The following SMARCA4 variants were observed in gnomAD, a reference collection of about 807,000 sequenced individuals.
SMARCA4 encodes the protein SWI/SNF related BAF chromatin remodeling complex subunit ATPase 4.
In SMARCA4, 31 loss-of-function variants were observed where a neutral mutation model predicts 193.9. The observed-to-expected ratio is 0.16, with a 90% CI of 0.12 to 0.22. SMARCA4 has a LOEUF of 0.22. Ranked by LOEUF, SMARCA4 falls within the 10% of genes least tolerant of loss-of-function variation. The probability of loss-of-function intolerance (pLI) is 1.00; values close to 1 mark genes in which losing one functional copy is unlikely to be tolerated. For missense variants in SMARCA4, 1,148 were observed against 2,296.0 expected (o/e 0.50, Z 10.22); for synonymous variants, 942 against 933.1 (o/e 1.01, Z -0.17).
chr19:11,024,872 C>T (rs1223388201), intron 21 of SMARCA4, among the ~76,000 whole-genome samples: 2 of 152,136 alleles, frequency 1.3e-5, no homozygotes, highest in Admixed American at 6.5e-5. Context: ...GATTCTGCCC[C>T]CAAGGCCTTG....
At chr19:11,020,244 G>C (rs1259477991) in intron 18 of SMARCA4, among the ~76,000 whole-genome samples, 2 of 152,160 alleles carry the variant, frequency 1.3e-5, no homozygotes, top group Non-Finnish European at 2.9e-5. Context: ...ACTGTGAAGG[G>C]AGTCCCAGCG....
intron 7 of SMARCA4, among the ~76,000 whole-genome samples, chr19:10,990,444 A>G (rs1297703586): frequency 1.3e-5 from 2 of 151,658 alleles, no homozygotes; most frequent in African/African-American, 4.9e-5. Context: ...CGCCTGGCTA[A>G]TTTTTGTATT....
chr19:10,983,843 T>A, intron 1 of SMARCA4: 1 of 523,388 alleles, frequency 1.9e-6, no homozygotes, highest in South Asian at 2.1e-5. Context: ...TCTGCCGTGA[T>A]CAGGAATATG....
intron 30 of SMARCA4, among the ~76,000 whole-genome samples, chr19:11,055,987 C>T (rs766130330): frequency 2.0e-5 from 3 of 152,216 alleles, no homozygotes; most frequent in Admixed American, 6.5e-5. Context: ...CTGTGCTGCA[C>T]GTCCTGCTTC....
intron 1 of SMARCA4, chr19:10,965,446 A>T (rs1181925167): frequency 1.3e-5 from 2 of 152,276 alleles, no homozygotes; most frequent in African/African-American, 4.8e-5. Flanking sequence ...GATGACACAG[A>T]TAATATACTT....
In SMARCA4 at chr19:11,019,496, G is replaced by C; in HGVS notation, c.2506-95G>C. 3 of 767,476 alleles carry C rather than the reference G, an allele frequency of 3.9e-6. No homozygotes were observed. The highest frequency in any genetic ancestry group is 2.3e-4 in the Middle Eastern group (1 of 4,260). 47.5% of individuals were successfully genotyped at this position (767,476 alleles called of 1,614,324 possible). A position where few individuals can be genotyped will look rare whatever the true frequency, so the allele number is the denominator to read the frequency against. ...CCCTGTGAGGACGAGCCCTCCCGCC[G>C]TGTCACTGGGCAGTTGCAGGGGGTG... is the stretch of plus-strand genomic sequence containing the variant. On this transcript the variant is annotated intron_variant, in intron 17 of 34. Transcript: ENST00000344626. The surrounding 1 kb of genome is among the most constrained non-coding windows in gnomAD (Gnocchi z 6.1).
chr19:10,979,694 ATATGT>A (rs1237486305), intron 1 of SMARCA4, among the ~76,000 whole-genome samples: 8 of 149,838 alleles, frequency 5.3e-5, no homozygotes, highest in African/African-American at 1.5e-4. Flanking sequence ...TACATATATT[ATATGT>A]TATAAGTATA....
chr19:11,042,377 G>T (rs183437652), intron 30 of SMARCA4, among the ~76,000 whole-genome samples: 80 of 152,350 alleles, frequency 5.3e-4, no homozygotes, highest in Middle Eastern at 3.4e-3. Flanking sequence ...CCCAGGGCAG[G>T]TCACAGAGCT....
rs147544823 is a variant in SMARCA4, at chr19:11,054,350, CA to C, written c.4425-3904del. ...CGGGACCTGCTGCTGCACTCGGCAA[CA>C]GGGACAGCAAGGAGGCAGGAGGCCA... On this transcript the variant is annotated intron_variant, in intron 30 of 34. Transcript: ENST00000344626. Among the ~76,000 whole-genome samples the C allele has an allele frequency of 2.4e-4, 37 of 152,328 alleles. No homozygotes were observed. The East Asian group carries it at 4.3e-3, about 18-fold the overall frequency.
intron 1 of SMARCA4, among the ~76,000 whole-genome samples, chr19:10,967,213 C>T (rs2084289461): frequency 6.6e-6 from 1 of 152,158 alleles, no homozygotes; most frequent in African/African-American, 2.4e-5. Flanking sequence ...CCAGGTGTAG[C>T]TGGGTTTGTT....
chr19:10,968,839 A>C (rs2084446742), intron 1 of SMARCA4, among the ~76,000 whole-genome samples: 1 of 152,182 alleles, frequency 6.6e-6, no homozygotes, highest in Non-Finnish European at 1.5e-5. Context: ...CATTGTGCCC[A>C]GGGAGCTGAA....
intron 30 of SMARCA4, among the ~76,000 whole-genome samples, chr19:11,046,466 T>C (rs2075923552): frequency 6.6e-6 from 1 of 152,324 alleles, no homozygotes; most frequent in South Asian, 2.1e-4. Flanking sequence ...ATGGATGGAT[T>C]CACAGACCTG....
intron 19 of SMARCA4, among the ~76,000 whole-genome samples, chr19:11,022,382 C>T (rs771211409): frequency 5.1e-4 from 78 of 152,284 alleles, no homozygotes; most frequent in South Asian, 2.5e-3. Context: ...GTTAGCGGGG[C>T]CACATGGTCA....
chr19:10,990,559 T>C (rs2086469502), intron 7 of SMARCA4, among the ~76,000 whole-genome samples: 1 of 152,180 alleles, frequency 6.6e-6, no homozygotes, highest in Non-Finnish European at 1.5e-5. Flanking sequence ...ATTACAGGCA[T>C]GAGCCACCAC....
chr19:11,049,312 A>T (rs1044582457), intron 30 of SMARCA4, among the ~76,000 whole-genome samples: 3 of 152,142 alleles, frequency 2.0e-5, no homozygotes, highest in Admixed American at 2.0e-4. Flanking sequence ...TGAAATCTCA[A>T]ACCACATTGA....
At chr19:11,013,232 C>G in intron 16 of SMARCA4, 120 bp downstream of exon 16, 1 of 1,162,050 alleles carries the variant, frequency 8.6e-7, no homozygotes, top group South Asian at 1.3e-5. Context: ...ATTTGTTTTC[C>G]TGGAGGCCAG....
intron 29 of SMARCA4, among the ~76,000 whole-genome samples, chr19:11,038,428 G>A (rs972977414): frequency 6.6e-6 from 1 of 152,172 alleles, no homozygotes; most frequent in Non-Finnish European, 1.5e-5. Flanking sequence ...GTCTGCAGGG[G>A]GCCTTCTCCT....
At chr19:11,060,262 G>A (rs1318449012) in intron 34 of SMARCA4, 75 bp downstream of exon 34, 1 of 1,517,802 alleles carries the variant, frequency 6.6e-7, no homozygotes, top group Non-Finnish European at 8.9e-7. Context: ...GGACAGCCCT[G>A]TGGGGCGGTG....
At position 11,041,179 on chromosome 19, in the gene SMARCA4, C is replaced by G; in HGVS notation, c.4171-128C>G. 1.0e-6 allele frequency: 1 copy of G among 1,000,130 alleles called. No individual in the cohort carries two copies. Among genetic ancestry groups the G allele is most frequent in the South Asian group, 1.5e-5 (1 of 65,186 alleles). 62.0% of individuals were successfully genotyped at this position (1,000,130 alleles called of 1,614,324 possible). Reference sequence around the variant, plus strand: ...AGTGTGTGTTATGCCCCGAGCCAGTCAAGCTGAAGGGAGAGCGGGTGCGGG... The same window carrying G: ...AGTGTGTGTTATGCCCCGAGCCAGTGAAGCTGAAGGGAGAGCGGGTGCGGG... On this transcript the variant is annotated intron_variant, in intron 29 of 34. Transcript: ENST00000344626. This position sits in a 1 kb window ranked among gnomAD's most constrained non-coding sequence, Gnocchi z 5.6.
Sources: gnomAD v4.1 joint callset for allele counts (sites outside exome capture counted in the v4.1 genomes callset) on GRCh38, gnomAD v4.1.1 for gene constraint, Gnocchi (gnomAD v3.1) non-coding constraint, MANE v1.5 for transcripts, NCBI Gene and HGNC (gene_info 2026-07-23, HGNC 2026-07-21) for gene names.